Variants in FBN2 observed in about 807,000 individuals in gnomAD.
The protein encoded by FBN2 is fibrillin 2, also known as fibrillin-2.
FBN2 carries 105 observed loss-of-function variants against 355.6 expected under a neutral mutation model. The ratio of observed to expected loss-of-function variants is 0.30; its 90% CI spans 0.25 to 0.35. The LOEUF (loss-of-function observed/expected upper bound fraction) is 0.35, where lower values mean the gene tolerates loss of function less well. Ranked by LOEUF, FBN2 falls within the 10% of genes least tolerant of loss-of-function variation. FBN2 has a pLI of 1.00. For synonymous variants in FBN2, 1,350 were observed against 1,301.2 expected (o/e 1.04, Z -0.81); for missense variants, 3,280 against 3,758.7 (o/e 0.87, Z 3.33).
intron 7 of FBN2, among the ~76,000 whole-genome samples, chr5:128,434,394 G>GTATATGTATATATATATATATA (rs1753715492): frequency 1.1e-5 from 1 of 91,678 alleles, no homozygotes; most frequent in African/African-American, 6.0e-5. Flanking sequence ...AATAAAGTGT[G>GTATATGTATATATATATATATA]TATATATATA....
chr5:128,314,768 C>T (rs1366879586), intron 36 of FBN2, among the ~76,000 whole-genome samples: 1 of 152,122 alleles, frequency 6.6e-6, no homozygotes, highest in African/African-American at 2.4e-5. Flanking sequence ...TGTGCTCTTG[C>T]AAAATAAATA....
chr5:128,332,333 C>A (rs941500427), intron 32 of FBN2, among the ~76,000 whole-genome samples: 3 of 152,156 alleles, frequency 2.0e-5, no homozygotes, highest in African/African-American at 4.8e-5. Context: ...CTGTGAATGA[C>A]ACTCAGGGTA....
chr5:128,328,902 T>A lies in FBN2; in HGVS notation c.4346-81A>T, dbSNP rs28763941. The A allele has an allele frequency of 8.3e-3, 12,014 of 1,442,196 alleles. 61 individuals carry two copies. The highest frequency in any genetic ancestry group is 0.014 in the Middle Eastern group (77 of 5,472). 89.3% of individuals were successfully genotyped at this position (1,442,196 alleles called of 1,614,324 possible). A position where few individuals can be genotyped will look rare whatever the true frequency, so the allele number is the denominator to read the frequency against. Reference sequence around the variant, plus strand: ...TCTCCTTGCTCTATAAATAGATCAGTTTTACTGGCTTGACTTAATGCTCAT... The same window carrying A: ...TCTCCTTGCTCTATAAATAGATCAGATTTACTGGCTTGACTTAATGCTCAT... On this transcript the variant is annotated intron_variant, in intron 33 of 64. Transcript: ENST00000262464.
chr5:128,260,354 A>G (rs1764934078), intron 64 of FBN2, among the ~76,000 whole-genome samples: 1 of 152,208 alleles, frequency 6.6e-6, no homozygotes, highest in Admixed American at 6.5e-5. Context: ...AGAGTGAGTG[A>G]TCTGCAGAGT....
chr5:128,497,148 G>C (rs1261464773), intron 5 of FBN2, among the ~76,000 whole-genome samples: 2 of 152,194 alleles, frequency 1.3e-5, no homozygotes, highest in African/African-American at 4.8e-5. Flanking sequence ...GTCTTCAACA[G>C]ATGGGAGTGA....
At chr5:128,495,862 A>G (rs1013334111) in intron 5 of FBN2, among the ~76,000 whole-genome samples, 2 of 152,144 alleles carry the variant, frequency 1.3e-5, no homozygotes, top group African/African-American at 4.8e-5. Flanking sequence ...TAATGAAGTA[A>G]TACTCTGAAC....
At chr5:128,301,555 T>G (rs776777019) in intron 46 of FBN2, 45 bp from the exon 47 acceptor site, 9 of 1,590,296 alleles carry the variant, frequency 5.7e-6, no homozygotes, top group Admixed American at 5.0e-5. Context: ...GCTCTTAACA[T>G]GTATATTGTT....
intron 34 of FBN2, 187 bp downstream of exon 34, chr5:128,328,509 T>C (rs767656631): frequency 1.3e-5 from 9 of 712,942 alleles, no homozygotes; most frequent in African/African-American, 3.5e-5. Flanking sequence ...GAAAACTTCA[T>C]AAGAGATGAA....
chr5:128,328,665 T>C, intron 34 of FBN2, 31 bp downstream of exon 34: 2 of 1,613,420 alleles, frequency 1.2e-6, no homozygotes, highest in Non-Finnish European at 1.7e-6. Context: ...TTGATCCAAC[T>C]TGAAAATGAG....
rs577773980 is a variant in FBN2 at position 128,297,746 on chromosome 5, G to A, written c.6166+3071C>T. On this transcript the variant is annotated intron_variant, in intron 48 of 64. Transcript: ENST00000262464. ...TATGTGTGTCTCTGCCCGTGAGATGGGTTTCCTGAATACAGCACACTGATG... is the reference window on the plus strand; with the variant it reads ...TATGTGTGTCTCTGCCCGTGAGATGAGTTTCCTGAATACAGCACACTGATG... 2.6e-5 allele frequency among the ~76,000 whole-genome samples: 4 copies of A among 152,178 alleles called. No individual in the cohort carries two copies. The East Asian group carries it at 7.7e-4, about 29-fold the overall frequency.
intron 7 of FBN2, among the ~76,000 whole-genome samples, chr5:128,411,596 C>T (rs1381279363): frequency 6.6e-6 from 1 of 152,190 alleles, no homozygotes; most frequent in Non-Finnish European, 1.5e-5. Flanking sequence ...TTCTCTCCTT[C>T]CTTGCCATGG....
At chr5:128,274,819 C>T (rs1380312942) in intron 59 of FBN2, 136 bp from the exon 60 acceptor site, 6 of 708,922 alleles carry the variant, frequency 8.5e-6, no homozygotes, top group Non-Finnish European at 1.6e-5. Flanking sequence ...TCGTAGATTT[C>T]CATAGGCATA....
chr5:128,304,939 G>A lies in FBN2; in HGVS notation c.5800+18C>T. ...CCCCAGCCCCACTTCACTCCCTGGA[G>A]CCACATGCCCTTCTTACCCATGCAC... On this transcript the variant is annotated intron_variant, in intron 45 of 64. Transcript: ENST00000262464. 1 of 1,613,862 alleles carries A rather than the reference G, an allele frequency of 6.2e-7. No individual in the cohort carries two copies. The highest frequency in any genetic ancestry group is 1.7e-4 in the Middle Eastern group (1 of 6,060).
intron 52 of FBN2, 134 bp downstream of exon 52, chr5:128,288,990 TGAA>T: frequency 1.2e-6 from 1 of 841,602 alleles, no homozygotes; most frequent in Admixed American, 2.0e-5. Flanking sequence ...GTAAGACTGG[TGAA>T]GAAGGTGCCA....
intron 49 of FBN2, among the ~76,000 whole-genome samples, chr5:128,291,242 AC>A (rs1749313816): frequency 6.6e-6 from 1 of 152,146 alleles, no homozygotes; most frequent in Non-Finnish European, 1.5e-5. Flanking sequence ...ACACCAACAA[AC>A]AAAAAAGCTA....
chr5:128,488,938 G>A (rs1755423717), intron 5 of FBN2, among the ~76,000 whole-genome samples: 1 of 152,040 alleles, frequency 6.6e-6, no homozygotes, highest in Non-Finnish European at 1.5e-5. Context: ...CTTTGCTATT[G>A]TGAATAGTGC....
intron 19 of FBN2, 106 bp from the exon 20 acceptor site, chr5:128,357,501 G>A (rs1317993753): frequency 7.3e-6 from 10 of 1,371,034 alleles, no homozygotes; most frequent in Non-Finnish European, 1.0e-5. Context: ...CTTGGCTCTG[G>A]TAATTTTAAT....
At chr5:128,294,594 G>A (rs367966656) in intron 48 of FBN2, among the ~76,000 whole-genome samples, 3 of 147,586 alleles carry the variant, frequency 2.0e-5, no homozygotes, top group East Asian at 2.0e-4. Context: ...GCCAGTGATG[G>A]TGAGCATTTT....
chr5:128,314,397 C>A (rs183483241), intron 36 of FBN2, among the ~76,000 whole-genome samples: 4 of 150,436 alleles, frequency 2.7e-5, no homozygotes. Flanking sequence ...ACTATCTCGG[C>A]CCACTGCAAC....
Sources: gnomAD v4.1 joint callset for allele counts (sites outside exome capture counted in the v4.1 genomes callset) on GRCh38, gnomAD v4.1.1 for gene constraint, MANE v1.5 for transcripts, NCBI Gene and HGNC (gene_info 2026-07-23, HGNC 2026-07-21) for gene names.